The following CYP4X1 variants were observed in gnomAD, a reference collection of about 807,000 sequenced individuals.
CYP4X1 encodes cytochrome P450 family 4 subfamily X member 1.
Under a neutral mutation model 57.9 loss-of-function variants are expected in CYP4X1, and 44 were observed. The observed-to-expected ratio is 0.76, with a 90% CI of 0.60 to 0.98. The LOEUF (loss-of-function observed/expected upper bound fraction) is 0.98. Ranked by LOEUF, CYP4X1 falls within the 50% of genes least tolerant of loss-of-function variation. The probability of loss-of-function intolerance (pLI) is 0.00; values close to 1 mark genes in which losing one functional copy is unlikely to be tolerated. For synonymous variants in CYP4X1, 227 were observed against 228.6 expected, an observed-to-expected ratio of 0.99 and a Z score of 0.06; for missense variants, 532 against 623.9, an observed-to-expected ratio of 0.85 and a Z score of 1.57.
chr1:47,026,363 A>C (rs989724401), intron 1 of CYP4X1, among the ~76,000 whole-genome samples: 2 of 152,194 alleles, frequency 1.3e-5, no homozygotes, highest in African/African-American at 2.4e-5. Flanking sequence ...TACACCTACT[A>C]TGTATCCACA....
At chr1:47,030,349 G>A (rs1269384038) in intron 2 of CYP4X1, among the ~76,000 whole-genome samples, 2 of 152,148 alleles carry the variant, frequency 1.3e-5, no homozygotes, top group African/African-American at 2.4e-5. Context: ...GTTGAAGTCG[G>A]TATAACTTAA....
intron 4 of CYP4X1, 65 bp downstream of exon 4, chr1:47,033,433 A>G (rs1372536706): frequency 5.7e-6 from 9 of 1,565,680 alleles, no homozygotes; most frequent in South Asian, 3.6e-5. Context: ...AGTATTAGGT[A>G]TGTGTTTTGT....
chr1:46,963,899 G>A, the CYP4X1 span, among the ~76,000 whole-genome samples: 4 of 152,140 alleles, frequency 2.6e-5, no homozygotes, highest in African/African-American at 9.7e-5. Flanking sequence ...CATAGATTTG[G>A]TCTCTTCACA....
At position 47,037,959 on chromosome 1, in the gene CYP4X1, C is replaced by T. The variant is rs369469614; in HGVS notation, c.776-701C>T. ...TTTGAGATAACCATCACATTCTAAACGGATACATGTACTGGTATCTGTTTT... is the reference window on the plus strand; with the variant it reads ...TTTGAGATAACCATCACATTCTAAATGGATACATGTACTGGTATCTGTTTT... On this transcript the variant is annotated intron_variant, in intron 6 of 11. Transcript: ENST00000371901. 1.1e-4 allele frequency among the ~76,000 whole-genome samples: 17 copies of T among 152,230 alleles called. No homozygotes were observed. In the East Asian group the frequency reaches 1.4e-3, roughly 12 times the overall value.
chr1:47,053,798 A>G (rs546635197), downstream of CYP4X1, among the ~76,000 whole-genome samples: 3 of 151,998 alleles, frequency 2.0e-5, no homozygotes, highest in Non-Finnish European at 4.4e-5. Context: ...GTTTGAGTTC[A>G]TTGTAGATTC....
the CYP4X1 span, among the ~76,000 whole-genome samples, chr1:46,995,705 C>T: frequency 2.0e-5 from 3 of 152,184 alleles, no homozygotes; most frequent in Non-Finnish European, 4.4e-5. Flanking sequence ...CCATCACTTT[C>T]CCCTTTGTGC....
chr1:47,036,162 C>T lies in CYP4X1; in HGVS notation c.766C>T (p.Gln256Ter), dbSNP rs542278084. The T allele has an allele frequency of 1.2e-6, 2 of 1,612,774 alleles. No individual in the cohort carries two copies. Among genetic ancestry groups the T allele is most frequent in the Admixed American group, 1.7e-5 (1 of 59,918 alleles). ...CCAGAAGTTAAGCCGAGTGTTGAAT[C>T]AGTACACAGGTATTTGTTGGGTTTG... ...RFQKLSRVLNQYTDTIIQERK... is the reference protein window; with the variant it reads ...RFQKLSRVLN Residue 256 changes from glutamine to a stop codon, truncating the protein, a stop_gained, in exon 6 of 12, where the codon CAG becomes TAG. Coordinates refer to ENST00000371901, the MANE Select transcript of CYP4X1 (RefSeq NM_178033.2). LOFTEE classifies it high-confidence loss of function.
chr1:46,971,250 G>A, the CYP4X1 span, among the ~76,000 whole-genome samples: 3 of 152,174 alleles, frequency 2.0e-5, no homozygotes, highest in Admixed American at 1.3e-4. Context: ...CAAGGGAAAT[G>A]ATCTCATTCT....
the CYP4X1 span, among the ~76,000 whole-genome samples, chr1:46,973,088 T>A: frequency 6.6e-6 from 1 of 152,100 alleles, no homozygotes; most frequent in Non-Finnish European, 1.5e-5. Flanking sequence ...ATAGCTCTTA[T>A]TTTTTTAGGT....
chr1:46,988,556 C>T, the CYP4X1 span, among the ~76,000 whole-genome samples: 7 of 152,174 alleles, frequency 4.6e-5, no homozygotes, highest in South Asian at 1.5e-3. Context: ...CATCGTAATA[C>T]CAAAACCTGG....
chr1:46,961,997 G>A, the CYP4X1 span, among the ~76,000 whole-genome samples: 1 of 152,124 alleles, frequency 6.6e-6, no homozygotes, highest in Admixed American at 6.5e-5. Flanking sequence ...CCCTGGATAG[G>A]CATCTTTCCC....
intron 8 of CYP4X1, among the ~76,000 whole-genome samples, chr1:47,045,180 T>G (rs983641390): frequency 3.3e-5 from 5 of 152,154 alleles, no homozygotes; most frequent in African/African-American, 1.2e-4. Flanking sequence ...AATTAAAATT[T>G]CACATTACCT....
upstream of CYP4X1, among the ~76,000 whole-genome samples, chr1:47,019,500 A>G (rs9326151): frequency 0.43 from 64,831 of 152,010 alleles, 14,811 homozygotes; most frequent in East Asian, 0.87. Flanking sequence ...GGCTCTATCA[A>G]TTTCTAATAT....
chr1:46,979,486 G>A, the CYP4X1 span, among the ~76,000 whole-genome samples: 1 of 151,936 alleles, frequency 6.6e-6, no homozygotes, highest in African/African-American at 2.4e-5. Context: ...AATAATTACT[G>A]GCCTACCAAC....
intron 2 of CYP4X1, 28 bp from the exon 3 acceptor site, chr1:47,031,408 C>A: frequency 6.2e-7 from 1 of 1,613,212 alleles, no homozygotes; most frequent in Non-Finnish European, 8.5e-7. Context: ...CTAATGATGT[C>A]TTTTGTTTCC....
the CYP4X1 span, among the ~76,000 whole-genome samples, chr1:46,968,581 C>T: frequency 6.6e-5 from 10 of 152,220 alleles, 1 homozygote; most frequent in Admixed American, 6.5e-4. Flanking sequence ...CTGGCTGTGC[C>T]TCTCCCTCCC....
chr1:47,007,230 T>A, the CYP4X1 span, among the ~76,000 whole-genome samples: 64 of 152,116 alleles, frequency 4.2e-4, no homozygotes, highest in African/African-American at 1.4e-3. Context: ...GAGACAAAAT[T>A]TCCAGGCAAA....
the CYP4X1 span, among the ~76,000 whole-genome samples, chr1:46,992,898 A>C: frequency 6.6e-6 from 1 of 152,160 alleles, no homozygotes; most frequent in African/African-American, 2.4e-5. Context: ...CATTCTGTTA[A>C]ATATTTGTGA....
At position 47,023,743 on chromosome 1, in the gene CYP4X1, C is replaced by T. The variant is rs983859149; in HGVS notation, c.-75C>T. 4 of 1,538,148 alleles carry T rather than the reference C, an allele frequency of 2.6e-6. No homozygotes were observed. In the African/African-American group the frequency reaches 5.5e-5, roughly 21 times the overall value. On this transcript the variant is annotated 5_prime_UTR_variant, in exon 1 of 12. Transcript: ENST00000371901. The stretch of plus-strand genomic sequence containing the variant: ...AGGCGGTGGGGTGGGCGACCCTACG[C>T]CAGCTCCGGGCGGGAGAAAGCCCAC...
Sources: allele counts gnomAD v4.1 joint callset (sites outside exome capture counted in the v4.1 genomes callset), GRCh38; gene constraint gnomAD v4.1.1; transcripts MANE v1.5; gene names NCBI Gene and HGNC (gene_info 2026-07-23, HGNC 2026-07-21).